Variants in RTN4 observed in about 807,000 individuals in gnomAD.
The protein encoded by RTN4 is reticulon-4.
In RTN4, 32 loss-of-function variants were observed where a neutral mutation model predicts 90.4. That is an observed-to-expected ratio of 0.35 (90% CI 0.27 to 0.48). The LOEUF is 0.48. Among genes scored for constraint, RTN4 ranks in the 20% least tolerant of loss-of-function variants. RTN4 has a pLI of 0.99. For synonymous variants in RTN4, 629 were observed against 552.5 expected (o/e 1.14, Z -1.94); for missense variants, 1,706 against 1,430.2 (o/e 1.19, Z -3.11).
rs767377960 is a variant in RTN4 at position 54,987,628 on chromosome 2, C to T, written c.3084G>A (p.Leu1028=). 2 of 1,614,204 alleles carry T rather than the reference C, an allele frequency of 1.2e-6. No homozygotes were observed. Among genetic ancestry groups the T allele is most frequent in the East Asian group, 4.5e-5 (2 of 44,880 alleles). Reference sequence around the variant, plus strand: ...CAATGCTGAATACTGTCAATGAAAGCAGCAGGAATAGGCTGGCACCAAACA... The same window carrying T: ...CAATGCTGAATACTGTCAATGAAAGTAGCAGGAATAGGCTGGCACCAAACA... ...GVVFGASLFL[L]LSLTVFSIVS... Residue 1028 remains leucine (L), a synonymous_variant, in exon 4 of 9, where the codon CTG becomes CTA. Coordinates refer to ENST00000337526, the MANE Select transcript of RTN4 (RefSeq NM_020532.5).
chr2:55,015,582 C>T (rs1418122734), intron 3 of RTN4, among the ~76,000 whole-genome samples: 4 of 152,112 alleles, frequency 2.6e-5, no homozygotes, highest in African/African-American at 9.7e-5. Context: ...GCAAAAATCA[C>T]AGAAGAAATA....
At chr2:55,137,442 C>T in the RTN4 span, among the ~76,000 whole-genome samples, 2 of 152,146 alleles carry the variant, frequency 1.3e-5, no homozygotes, top group Non-Finnish European at 2.9e-5. Context: ...ACCTGGACCA[C>T]GTCAGTGGGA....
intron 1 of RTN4, among the ~76,000 whole-genome samples, chr2:55,039,753 T>A (rs932549077): frequency 1.3e-5 from 2 of 152,204 alleles, no homozygotes; most frequent in African/African-American, 4.8e-5. Flanking sequence ...CACTCCAGCC[T>A]GGGTGACAAG....
chr2:55,110,932 T>A (rs779303645), intron 1 of RTN4, among the ~76,000 whole-genome samples: 2 of 151,908 alleles, frequency 1.3e-5, no homozygotes, highest in Non-Finnish European at 2.9e-5. Flanking sequence ...TCCCAGCTAC[T>A]TGGGAAGCTG....
Position 55,026,234 on chromosome 2 carries a change from G to C in RTN4, c.1865C>G (p.Ser622Cys), listed in dbSNP as rs762387718. The C allele has an allele frequency of 1.2e-6, 2 of 1,613,834 alleles. No individual in the cohort carries two copies. Among genetic ancestry groups the C allele is most frequent in the Admixed American group, 1.7e-5 (1 of 59,918 alleles). The change falls in exon 3 of 9, where the codon TCT becomes TGT. Residue 622 changes from serine (S) to cysteine (C), a missense_variant. By Grantham distance (112) the Ser-to-Cys change is moderately radical. Coordinates refer to ENST00000337526, the MANE Select transcript of RTN4 (RefSeq NM_020532.5). ...PDIVMEAPLNSAVPSAGASVI... is the reference protein window; with the variant it reads ...PDIVMEAPLNCAVPSAGASVI... ...GGAAGCACCAGCACTAGGAACTGCA[G>C]AATTCAATGGTGCTTCCATAACAAT... is the stretch of plus-strand genomic sequence containing the variant.
At chr2:55,099,417 G>A (rs1286016014) in intron 1 of RTN4, among the ~76,000 whole-genome samples, 1 of 152,032 alleles carries the variant, frequency 6.6e-6, no homozygotes, top group East Asian at 1.9e-4. Context: ...CTGTCCTTTT[G>A]AGAATGACCC....
At chr2:55,096,051 G>A (rs150113890) in intron 1 of RTN4, among the ~76,000 whole-genome samples, 57 of 152,290 alleles carry the variant, frequency 3.7e-4, no homozygotes, top group East Asian at 1.9e-3. Flanking sequence ...ATGCTGGGCC[G>A]GGTATGGTGG....
the RTN4 span, among the ~76,000 whole-genome samples, chr2:55,128,660 C>A: frequency 2.0e-5 from 3 of 152,082 alleles, no homozygotes. Context: ...GGCAACATAG[C>A]AACTCACAAT....
At chr2:55,002,875 T>C (rs752652562) in intron 3 of RTN4, among the ~76,000 whole-genome samples, 6 of 152,202 alleles carry the variant, frequency 3.9e-5, no homozygotes, top group Non-Finnish European at 8.8e-5. Context: ...GGTTATTAAG[T>C]TACTAGAATT....
At chr2:55,007,746 TC>T (rs1460737470) in intron 3 of RTN4, among the ~76,000 whole-genome samples, 2 of 152,136 alleles carry the variant, frequency 1.3e-5, no homozygotes, top group Non-Finnish European at 2.9e-5. Context: ...ATGATTCTCA[TC>T]TACAGAGAAG....
At chr2:55,036,881 G>A (rs1327821483) in intron 1 of RTN4, among the ~76,000 whole-genome samples, 1 of 152,112 alleles carries the variant, frequency 6.6e-6, no homozygotes, top group Admixed American at 6.5e-5. Flanking sequence ...ATTCACTCAA[G>A]ATTCTGTGTT....
intron 1 of RTN4, among the ~76,000 whole-genome samples, chr2:55,089,653 T>C (rs111868002): frequency 2.0e-4 from 31 of 152,368 alleles, no homozygotes; most frequent in African/African-American, 6.3e-4. Flanking sequence ...GTGCTTTAGC[T>C]ATTTCTGTTT....
intron 1 of RTN4, among the ~76,000 whole-genome samples, chr2:55,111,015 G>A (rs189887605): frequency 6.6e-5 from 10 of 152,168 alleles, no homozygotes; most frequent in Non-Finnish European, 1.2e-4. Flanking sequence ...TACTCCAGCC[G>A]GGGCAACTGA....
intron 3 of RTN4, among the ~76,000 whole-genome samples, chr2:55,023,514 C>T (rs571715373): frequency 1.3e-5 from 2 of 152,224 alleles, no homozygotes; most frequent in East Asian, 3.9e-4. Flanking sequence ...CCACTCACTA[C>T]AATCAAAGCT....
At chr2:55,128,595 C>T in the RTN4 span, among the ~76,000 whole-genome samples, 1 of 152,034 alleles carries the variant, frequency 6.6e-6, no homozygotes, top group Admixed American at 6.6e-5. Flanking sequence ...ATAAGGAAGG[C>T]CTTCTTAAGA....
At chr2:55,035,763 T>C (rs1036498957) in intron 1 of RTN4, among the ~76,000 whole-genome samples, 4 of 152,132 alleles carry the variant, frequency 2.6e-5, no homozygotes, top group East Asian at 1.9e-4. Flanking sequence ...GGACTGTTAC[T>C]GTAGGTCCTA....
chr2:55,125,966 C>A, the RTN4 span, among the ~76,000 whole-genome samples: 1 of 145,496 alleles, frequency 6.9e-6, no homozygotes, highest in East Asian at 2.1e-4. Context: ...GAGGCCGAGG[C>A]GGGAGAATGG....
intron 1 of RTN4, among the ~76,000 whole-genome samples, chr2:55,085,608 A>G (rs1668822699): frequency 6.6e-6 from 1 of 152,230 alleles, no homozygotes; most frequent in South Asian, 2.1e-4. Context: ...AAAGTACCTC[A>G]CAGCAACATC....
chr2:54,997,943 G>T (rs1679561363), intron 3 of RTN4, among the ~76,000 whole-genome samples: 1 of 152,112 alleles, frequency 6.6e-6, no homozygotes, highest in Non-Finnish European at 1.5e-5. Context: ...ATAGGGTTCA[G>T]TCCTATCTGC....
Sources: gnomAD v4.1 joint callset for allele counts (sites outside exome capture counted in the v4.1 genomes callset) on GRCh38, gnomAD v4.1.1 for gene constraint, MANE v1.5 for transcripts, NCBI Gene and HGNC (gene_info 2026-07-23, HGNC 2026-07-21) for gene names.